Variants in TSPEAR observed in about 807,000 individuals in gnomAD.
The protein encoded by TSPEAR is thrombospondin-type laminin G domain and EAR repeat-containing protein.
In TSPEAR, 69 loss-of-function variants were observed where a neutral mutation model predicts 71.6. That is an observed-to-expected ratio of 0.96 (90% CI 0.79 to 1.18). The LOEUF (loss-of-function observed/expected upper bound fraction) is 1.18. TSPEAR is among the 50% of genes most tolerant of loss of function. The pLI, the probability that TSPEAR is intolerant of heterozygous loss-of-function variation, is 0.00. For synonymous variants in TSPEAR, 402 were observed against 387.2 expected (o/e 1.04, Z -0.45); for missense variants, 971 against 894.9 (o/e 1.09, Z -1.09).
At chr21:44,510,945 G>C (rs868916989) in intron 9 of TSPEAR, 1 of 152,250 alleles carries the variant, frequency 6.6e-6, no homozygotes, top group African/African-American at 2.4e-5. Context: ...GCAGCTCCAC[G>C]AGATGTGACT....
chr21:44,567,748 C>A (rs782515196), intron 2 of TSPEAR, 37 bp downstream of exon 2: 13 of 1,503,168 alleles, frequency 8.6e-6, no homozygotes, highest in Non-Finnish European at 1.1e-5. Context: ...GGGAAAATTA[C>A]GCTATTATAA....
At position 44,525,841 on chromosome 21, in the gene TSPEAR, TGAAA is replaced by T. The variant is rs782659172; in HGVS notation, c.1150-6_1150-3del. On this transcript the variant is annotated splice_region_variant and splice_polypyrimidine_tract_variant and intron_variant, in intron 7 of 11. Coordinates refer to ENST00000323084, the MANE Select transcript of TSPEAR (RefSeq NM_144991.3). ...AAAATTAGCCACTGCCAGGAAGATC[TGAAA>T]GAGAGTAAACCGGGACCACGTGGTT... 1.2e-6 allele frequency: 2 copies of T among 1,613,960 alleles called. No individual in the cohort carries two copies. The highest frequency in any genetic ancestry group is 1.7e-6 in the Non-Finnish European group (2 of 1,179,986).
At chr21:44,569,770 G>A in intron 1 of TSPEAR, among the ~76,000 whole-genome samples, 1 of 152,070 alleles carries the variant, frequency 6.6e-6, no homozygotes, top group East Asian at 1.9e-4. Flanking sequence ...GTGTAGAGAG[G>A]TCTGTGTACA....
At chr21:44,671,003 G>C (rs1357220735) in intron 1 of TSPEAR, among the ~76,000 whole-genome samples, 1 of 152,190 alleles carries the variant, frequency 6.6e-6, no homozygotes, top group Non-Finnish European at 1.5e-5. Context: ...ACCATAGCCT[G>C]TGTCCATGCA....
At chr21:44,518,223 T>G (rs2052645710) in intron 9 of TSPEAR, 1 of 433,740 alleles carries the variant, frequency 2.3e-6, no homozygotes, top group African/African-American at 2.1e-5. Context: ...CTAGCTCAGT[T>G]TCTTTCAGCC....
intron 1 of TSPEAR, among the ~76,000 whole-genome samples, chr21:44,595,349 G>C (rs782761334): frequency 1.4e-4 from 21 of 152,116 alleles, no homozygotes; most frequent in Admixed American, 2.6e-4. Context: ...CTGAACCACT[G>C]CTCCTACAGG....
intron 5 of TSPEAR, among the ~76,000 whole-genome samples, chr21:44,528,946 C>T (rs185884830): frequency 1.3e-5 from 2 of 152,238 alleles, no homozygotes; most frequent in African/African-American, 2.4e-5. Context: ...AGTGGTGTAT[C>T]TTAACGACGG....
intron 1 of TSPEAR, among the ~76,000 whole-genome samples, chr21:44,588,724 GTGTGTA>G (rs1352404785): frequency 4.6e-5 from 3 of 65,218 alleles, no homozygotes; most frequent in Non-Finnish European, 9.6e-5. Context: ...ATATATATGT[GTGTGTA>G]TATATGTATA....
At chr21:44,547,418 C>T (rs1259082696) in intron 2 of TSPEAR, among the ~76,000 whole-genome samples, 1 of 152,102 alleles carries the variant, frequency 6.6e-6, no homozygotes, top group Admixed American at 6.5e-5. Flanking sequence ...TAATTGCTTT[C>T]CCCCCATGAG....
intron 1 of TSPEAR, chr21:44,697,436 TC>T (rs1987413111): frequency 6.2e-7 from 1 of 1,613,864 alleles, no homozygotes; most frequent in South Asian, 1.1e-5. Flanking sequence ...CTGCACCAGC[TC>T]CTGCACGCCC....
At chr21:44,647,161 T>A in intron 1 of TSPEAR, 7 of 1,614,112 alleles carry the variant, frequency 4.3e-6, no homozygotes, top group African/African-American at 1.3e-5. Flanking sequence ...CAGACCCTCC[T>A]CCTCTGTGTC....
intron 1 of TSPEAR, among the ~76,000 whole-genome samples, chr21:44,602,676 T>A (rs896122718): frequency 1.3e-5 from 2 of 152,214 alleles, no homozygotes; most frequent in Non-Finnish European, 2.9e-5. Context: ...AGGCAGAAGC[T>A]GCTCACGTGA....
At chr21:44,673,171 T>C (rs183403815) in intron 1 of TSPEAR, among the ~76,000 whole-genome samples, 1 of 152,312 alleles carries the variant, frequency 6.6e-6, no homozygotes, top group East Asian at 1.9e-4. Flanking sequence ...ACTAGTCATA[T>C]ATAAGGAAAC....
chr21:44,538,252 T>A (rs782167972), intron 2 of TSPEAR, among the ~76,000 whole-genome samples: 30 of 152,084 alleles, frequency 2.0e-4, no homozygotes, highest in Non-Finnish European at 3.5e-4. Flanking sequence ...CGCTGCCTGA[T>A]CTTACCATTG....
intron 1 of TSPEAR, among the ~76,000 whole-genome samples, chr21:44,680,445 G>A (rs1320675564): frequency 1.3e-5 from 2 of 152,170 alleles, no homozygotes; most frequent in Non-Finnish European, 2.9e-5. Flanking sequence ...ATCATTTGTG[G>A]AAGTGTAAAT....
intron 1 of TSPEAR, among the ~76,000 whole-genome samples, chr21:44,699,304 T>C (rs2146325897): frequency 7.6e-6 from 1 of 132,040 alleles, no homozygotes; most frequent in Admixed American, 9.2e-5. Context: ...CACTTGAGCC[T>C]GGGAGATCAA....
rs587696042 is a variant in TSPEAR, at chr21:44,573,282, G to A, written c.83-5277C>T. 1.1e-4 allele frequency among the ~76,000 whole-genome samples: 17 copies of A among 151,796 alleles called. No homozygotes were observed. The South Asian group carries it at 2.9e-3, about 26-fold the overall frequency. ...AAACCAAGGCCCAGCGGAGCCACCC[G>A]TAGGCACCCACTCCCCATAGCCTGG... On this transcript the variant is annotated intron_variant, in intron 1 of 11. Coordinates refer to ENST00000323084, the MANE Select transcript of TSPEAR (RefSeq NM_144991.3).
chr21:44,609,992 A>G (rs1230100295), intron 1 of TSPEAR, among the ~76,000 whole-genome samples: 2 of 152,192 alleles, frequency 1.3e-5, no homozygotes, highest in African/African-American at 4.8e-5. Context: ...TATATTGTTT[A>G]ATAATTCTGA....
chr21:44,707,559 A>G (rs1422543996), intron 1 of TSPEAR, among the ~76,000 whole-genome samples: 1 of 152,020 alleles, frequency 6.6e-6, no homozygotes, highest in Non-Finnish European at 1.5e-5. Context: ...CTAAAGCTAA[A>G]CATTCTTTAT....
Sources: allele counts gnomAD v4.1 joint callset (sites outside exome capture counted in the v4.1 genomes callset), GRCh38; gene constraint gnomAD v4.1.1; transcripts MANE v1.5; gene names NCBI Gene and HGNC (gene_info 2026-07-23, HGNC 2026-07-21).